The following THAP2 variants were observed in gnomAD, a reference collection of about 807,000 sequenced individuals.
The protein encoded by THAP2 is THAP domain-containing protein 2.
A neutral mutation model predicts 18.8 loss-of-function variants in THAP2; 16 were observed. That is an observed-to-expected ratio of 0.85 (90% CI 0.58 to 1.29). THAP2 has a LOEUF of 1.29. Among genes scored for constraint, THAP2 ranks in the 50% most tolerant of loss-of-function variants. The pLI, the probability that THAP2 is intolerant of heterozygous loss-of-function variation, is 0.00. For synonymous variants in THAP2, 80 were observed against 89.2 expected (o/e 0.90, Z 0.58); for missense variants, 251 against 265.3 (o/e 0.95, Z 0.38).
At chr12:71,671,711 C>A (rs1186482095) in intron 1 of THAP2, among the ~76,000 whole-genome samples, 2 of 152,168 alleles carry the variant, frequency 1.3e-5, no homozygotes, top group Non-Finnish European at 2.9e-5. Flanking sequence ...TTGGGGTTTT[C>A]TTCCATAGCG....
chr12:71,665,729 ACTT>A (rs1403798345), intron 1 of THAP2: 2 of 152,220 alleles, frequency 1.3e-5, no homozygotes, highest in Non-Finnish European at 2.9e-5. Context: ...CCTGTGTGCT[ACTT>A]AAGTATTTTC....
intron 1 of THAP2, among the ~76,000 whole-genome samples, chr12:71,671,347 T>G (rs1400002068): frequency 6.6e-6 from 1 of 152,238 alleles, no homozygotes; most frequent in East Asian, 1.9e-4. Context: ...TTTTCTGGCA[T>G]TGCTGCTTCT....
intron 2 of THAP2, among the ~76,000 whole-genome samples, chr12:71,674,634 A>G (rs934172850): frequency 6.6e-6 from 1 of 152,090 alleles, no homozygotes; most frequent in African/African-American, 2.4e-5. Context: ...ACCCATTATT[A>G]TTAATAATTG....
At chr12:71,669,236 A>C (rs1256996239) in intron 1 of THAP2, among the ~76,000 whole-genome samples, 1 of 152,198 alleles carries the variant, frequency 6.6e-6, no homozygotes, top group Non-Finnish European at 1.5e-5. Context: ...TAAACAAAAA[A>C]CTGTGCTATC....
intron 1 of THAP2, chr12:71,667,742 C>A (rs1335408069): frequency 6.6e-6 from 1 of 152,134 alleles, no homozygotes; most frequent in Non-Finnish European, 1.5e-5. Context: ...GGGGAAAAGC[C>A]CTGATTTGTA....
Position 71,676,765 on chromosome 12 carries a change from T to G in THAP2, c.344T>G (p.Ile115Ser), listed in dbSNP as rs376252161. ...GGACCATCTAATTTAAAATCAAACATTAGTAGTCAGCAAGTACTACTTGAA... is the reference window on the plus strand; with the variant it reads ...GGACCATCTAATTTAAAATCAAACAGTAGTAGTCAGCAAGTACTACTTGAA... ...PAGPSNLKSNISSQQVLLEHS... is the reference protein window; with the variant it reads ...PAGPSNLKSNSSSQQVLLEHS... The change falls in exon 3 of 3, where the codon ATT (isoleucine) becomes AGT (serine). Residue 115 changes from isoleucine to serine, a missense_variant. Ile to Ser is a moderately radical substitution (Grantham distance 142, BLOSUM62 -2). Transcript: ENST00000308086. 2.0e-5 allele frequency: 33 copies of G among 1,612,194 alleles called. No individual in the cohort carries two copies. Among genetic ancestry groups the G allele is most frequent in the Non-Finnish European group, 2.4e-5 (28 of 1,179,176 alleles).
In THAP2 at chr12:71,679,686, T is replaced by C. The variant is rs1400256412; in HGVS notation, c.*2578T>C. On this transcript the variant is annotated 3_prime_UTR_variant, in exon 3 of 3. Coordinates refer to ENST00000308086, the MANE Select transcript of THAP2 (RefSeq NM_031435.4). ...AAGTAATATTTATAATACAATATGA[T>C]AAATGCTACAAAAGAAATAGCTGTA... 3.9e-5 allele frequency: 6 copies of C among 152,186 alleles called. No individual in the cohort carries two copies. 9.4% of individuals were successfully genotyped at this position (152,186 alleles called of 1,614,324 possible).
In THAP2 at chr12:71,680,457, G is replaced by A. The variant is rs1358897527; in HGVS notation, c.*3349G>A. 2 of 152,394 alleles carry A rather than the reference G, an allele frequency of 1.3e-5. No individual in the cohort carries two copies. The highest frequency in any genetic ancestry group is 6.6e-5 in the Admixed American group (1 of 15,262). 9.4% of individuals were successfully genotyped at this position (152,394 alleles called of 1,614,324 possible). On this transcript the variant is annotated 3_prime_UTR_variant, in exon 3 of 3. Coordinates refer to ENST00000308086, the MANE Select transcript of THAP2 (RefSeq NM_031435.4). ...ATCTCATTTCTCAATATTAGAATAC[G>A]GGTAGATTTTAATTTTGCTATAATA... is the stretch of plus-strand genomic sequence containing the variant.
At chr12:71,675,859 T>C (rs1218981038) in intron 2 of THAP2, among the ~76,000 whole-genome samples, 1 of 152,014 alleles carries the variant, frequency 6.6e-6, no homozygotes, top group Non-Finnish European at 1.5e-5. Flanking sequence ...TCTAGAAAAA[T>C]TATTCTTATG....
intron 1 of THAP2, among the ~76,000 whole-genome samples, chr12:71,671,080 T>A (rs1210134084): frequency 6.6e-6 from 1 of 152,096 alleles, no homozygotes; most frequent in African/African-American, 2.4e-5. Context: ...TTTTGCTGCC[T>A]CAGGCATGGC....
intron 1 of THAP2, chr12:71,665,406 T>A (rs1881317974): frequency 6.4e-6 from 1 of 155,826 alleles, no homozygotes; most frequent in Non-Finnish European, 1.4e-5. Flanking sequence ...TATTACGAAC[T>A]GTACTTTTAT....
At position 71,677,081 on chromosome 12, in the gene THAP2, A is replaced by T. The variant is rs763903618; in HGVS notation, c.660A>T (p.Leu220=). The change falls in exon 3 of 3, where the codon CTA becomes CTT. Residue 220 remains leucine, a synonymous_variant. Coordinates refer to ENST00000308086, the MANE Select transcript of THAP2 (RefSeq NM_031435.4). ...QQDKTLLSLN[L]KQTKSTFI ...ATAAAACACTGCTAAGTCTAAATCT[A>T]AAACAGACCAAGAGTACCTTCATTT... 1 of 1,602,166 alleles carries T rather than the reference A, an allele frequency of 6.2e-7. No homozygotes were observed.
Position 71,679,581 on chromosome 12 carries a change from GCCAAA to G in THAP2, c.*2474_*2478del, listed in dbSNP as rs1881571179. On this transcript the variant is annotated 3_prime_UTR_variant, in exon 3 of 3. Coordinates refer to ENST00000308086, the MANE Select transcript of THAP2 (RefSeq NM_031435.4). ...GGGCACCAACCTCTACAAAGAACCAGCCAAAGGCTAGGTACTTGATATAAAAAGGA... is the reference window on the plus strand; with the variant it reads ...GGGCACCAACCTCTACAAAGAACCAGGGCTAGGTACTTGATATAAAAAGGA... 1.3e-5 allele frequency: 2 copies of G among 151,990 alleles called. 1 individual carries two copies. The highest frequency in any genetic ancestry group is 4.8e-5 in the African/African-American group (2 of 41,390). 9.4% of individuals were successfully genotyped at this position (151,990 alleles called of 1,614,324 possible).
chr12:71,664,464 G>T lies in THAP2; in HGVS notation c.-46G>T, dbSNP rs373494585. 8.1e-6 allele frequency: 13 copies of T among 1,611,670 alleles called. No homozygotes were observed. Among genetic ancestry groups the T allele is most frequent in the Non-Finnish European group, 1.1e-5 (13 of 1,178,110 alleles). ...CTGCCAGAAGAAAGCTTAGCAGCCA[G>T]CGCCTCAGTAGAGACCTAAGGGCGC... On this transcript the variant is annotated 5_prime_UTR_variant, in exon 1 of 3. Transcript: ENST00000308086.
intron 1 of THAP2, chr12:71,665,142 C>CT: frequency 1.8e-6 from 1 of 550,646 alleles, no homozygotes; most frequent in African/African-American, 1.9e-5. Flanking sequence ...CCTAGGTTTT[C>CT]TTTTGTTTGC....
At position 71,677,088 on chromosome 12, in the gene THAP2, A is replaced by G. The variant is rs753722929; in HGVS notation, c.667A>G (p.Thr223Ala). 6.3e-7 allele frequency: 1 copy of G among 1,589,434 alleles called. No homozygotes were observed. The highest frequency in any genetic ancestry group is 2.2e-5 in the East Asian group (1 of 44,530). ...ACTGCTAAGTCTAAATCTAAAACAGACCAAGAGTACCTTCATTTAAATTTA... is the reference window on the plus strand; with the variant it reads ...ACTGCTAAGTCTAAATCTAAAACAGGCCAAGAGTACCTTCATTTAAATTTA... ...KTLLSLNLKQ[T>A]KSTFI Residue 223 changes from threonine to alanine, a missense_variant, in exon 3 of 3, where the codon ACC becomes GCC. Coordinates refer to ENST00000308086, the MANE Select transcript of THAP2 (RefSeq NM_031435.4).
chr12:71,667,300 A>G (rs1201239316), intron 1 of THAP2, among the ~76,000 whole-genome samples: 6 of 151,716 alleles, frequency 4.0e-5, no homozygotes, highest in Admixed American at 6.6e-5. Context: ...TCTTCTCTCT[A>G]CTCCTTAAGC....
chr12:71,670,810 G>T (rs1164887349), intron 1 of THAP2, among the ~76,000 whole-genome samples: 2 of 151,516 alleles, frequency 1.3e-5, no homozygotes, highest in South Asian at 2.1e-4. Context: ...GTGGTGGCAG[G>T]CGCCTGTAAT....
intron 1 of THAP2, among the ~76,000 whole-genome samples, chr12:71,668,539 G>A (rs183676085): frequency 1.2e-4 from 19 of 152,264 alleles, no homozygotes; most frequent in Non-Finnish European, 2.1e-4. Context: ...CAGGATTGGT[G>A]CCCTGGTTTG....
Sources: allele counts gnomAD v4.1 joint callset (sites outside exome capture counted in the v4.1 genomes callset), GRCh38; gene constraint gnomAD v4.1.1; transcripts MANE v1.5; gene names NCBI Gene and HGNC (gene_info 2026-07-23, HGNC 2026-07-21).